Variants in ZBTB41 observed in about 807,000 individuals in gnomAD.
The protein encoded by ZBTB41 is zinc finger and BTB domain containing 41.
Under a neutral mutation model 87.6 loss-of-function variants are expected in ZBTB41, and 42 were observed. The ratio of observed to expected loss-of-function variants is 0.48; its 90% CI spans 0.37 to 0.62. The LOEUF (loss-of-function observed/expected upper bound fraction) is 0.62, where lower values mean the gene tolerates loss of function less well. Among genes scored for constraint, ZBTB41 ranks in the 20% least tolerant of loss-of-function variants. The pLI, the probability that ZBTB41 is intolerant of heterozygous loss-of-function variation, is 0.00. For synonymous variants in ZBTB41, 364 were observed against 364.0 expected, an observed-to-expected ratio of 1.00 and a Z score of 0.00; for missense variants, 799 against 1,078.9, an observed-to-expected ratio of 0.74 and a Z score of 3.63.
rs1308728762 is a variant in ZBTB41 at position 197,199,734 on chromosome 1, C to T, written c.740G>A (p.Ser247Asn). ...KKHGLKMLER[S>N]FSARRSKRNR... ...CCTTTTTGATCTTCTTGCGGAGAAA[C>T]TTCTCTCCAGCATTTTTAACCCATG... Residue 247 changes from serine to asparagine, a missense_variant, in exon 2 of 11, where the codon AGT becomes AAT. Transcript: ENST00000367405. The T allele has an allele frequency of 1.9e-6, 3 of 1,613,474 alleles. No homozygotes were observed. The South Asian group carries it at 3.3e-5, about 18-fold the overall frequency.
chr1:197,172,431 T>C (rs1298281244), intron 9 of ZBTB41, among the ~76,000 whole-genome samples, 183 bp from the exon 10 acceptor site: 3 of 151,952 alleles, frequency 2.0e-5, no homozygotes, highest in Non-Finnish European at 2.9e-5. Flanking sequence ...GAAATACTTT[T>C]AATATGTTGA....
chr1:197,171,180 T>C (rs767786287), intron 10 of ZBTB41, among the ~76,000 whole-genome samples: 6 of 152,114 alleles, frequency 3.9e-5, no homozygotes, highest in Non-Finnish European at 8.8e-5. Flanking sequence ...TGAGTTCTAT[T>C]AGGTTAATTA....
At chr1:197,160,727 A>G (rs752689008) in intron 10 of ZBTB41, among the ~76,000 whole-genome samples, 1 of 152,080 alleles carries the variant, frequency 6.6e-6, no homozygotes, top group South Asian at 2.1e-4. Flanking sequence ...AGATGTACAC[A>G]CTCTAGTCCC....
At chr1:197,194,932 A>T (rs903658972) in intron 2 of ZBTB41, among the ~76,000 whole-genome samples, 1 of 152,122 alleles carries the variant, frequency 6.6e-6, no homozygotes, top group African/African-American at 2.4e-5. Flanking sequence ...TAGTGGGAAA[A>T]TATATGTTAA....
At chr1:197,185,565 G>A (rs938686773) in intron 5 of ZBTB41, among the ~76,000 whole-genome samples, 2 of 150,838 alleles carry the variant, frequency 1.3e-5, no homozygotes, top group African/African-American at 4.9e-5. Flanking sequence ...TAAATGCACA[G>A]TTTATGCCCA....
At chr1:197,178,147 G>A (rs1178576063) in intron 7 of ZBTB41, among the ~76,000 whole-genome samples, 1 of 151,728 alleles carries the variant, frequency 6.6e-6, no homozygotes, top group Non-Finnish European at 1.5e-5. Flanking sequence ...TTCATTCAGA[G>A]AAAAGTAATG....
chr1:197,188,933 A>G (rs575645651), intron 4 of ZBTB41, among the ~76,000 whole-genome samples: 2 of 152,358 alleles, frequency 1.3e-5, no homozygotes, highest in African/African-American at 4.8e-5. Context: ...CAATAATGAC[A>G]TAGCACATAT....
At chr1:197,164,479 ATAAT>A (rs1659268672) in intron 10 of ZBTB41, among the ~76,000 whole-genome samples, 1 of 151,740 alleles carries the variant, frequency 6.6e-6, no homozygotes, top group Non-Finnish European at 1.5e-5. Context: ...ATCAAAATAG[ATAAT>A]TAAACAATAC....
At chr1:197,187,354 A>G (rs759751341) in intron 5 of ZBTB41, among the ~76,000 whole-genome samples, 5 of 152,202 alleles carry the variant, frequency 3.3e-5, no homozygotes, top group Non-Finnish European at 7.3e-5. Context: ...ACAATGGAAT[A>G]AAGTCCTCCC....
chr1:197,164,892 TAC>T (rs1491320327), intron 10 of ZBTB41, among the ~76,000 whole-genome samples: 210 of 79,682 alleles, frequency 2.6e-3, no homozygotes, highest in South Asian at 4.8e-3. Context: ...TTATATATAA[TAC>T]ATATCTAATA....
Position 197,177,635 on chromosome 1 carries a change from T to G in ZBTB41, c.1772+782A>C, listed in dbSNP as rs77969076. 6.2e-3 allele frequency among the ~76,000 whole-genome samples: 939 copies of G among 152,198 alleles called. 16 individuals carry two copies. Among genetic ancestry groups the G allele is most frequent in the African/African-American group, 0.022 (900 of 41,538 alleles). On this transcript the variant is annotated intron_variant, in intron 7 of 10. Coordinates refer to ENST00000367405, the MANE Select transcript of ZBTB41 (RefSeq NM_194314.3). ...GAACAAAATGGGGCTCATTTTATAG[T>G]CACCCAAAGACAGTATAAAAGGCTC... is the stretch of plus-strand genomic sequence containing the variant.
chr1:197,197,593 G>C (rs955609112), intron 2 of ZBTB41, among the ~76,000 whole-genome samples: 3 of 150,582 alleles, frequency 2.0e-5, no homozygotes, highest in Admixed American at 6.6e-5. Flanking sequence ...GCGAGGGAGG[G>C]AGGAAGGAAG....
At chr1:197,189,964 G>C (rs1051131076) in intron 4 of ZBTB41, among the ~76,000 whole-genome samples, 5 of 152,174 alleles carry the variant, frequency 3.3e-5, no homozygotes, top group Admixed American at 2.0e-4. Flanking sequence ...TGTCGCCCAG[G>C]CTGGAGTGCA....
At chr1:197,172,426 A>G (rs1659504230) in intron 9 of ZBTB41, among the ~76,000 whole-genome samples, 178 bp from the exon 10 acceptor site, 1 of 151,952 alleles carries the variant, frequency 6.6e-6, no homozygotes, top group Non-Finnish European at 1.5e-5. Context: ...ACATGGAAAT[A>G]CTTTTAATAT....
chr1:197,173,698 C>T (rs1290516840), intron 9 of ZBTB41, among the ~76,000 whole-genome samples: 2 of 152,104 alleles, frequency 1.3e-5, no homozygotes, highest in African/African-American at 2.4e-5. Flanking sequence ...GAATAATAAC[C>T]CTGGCAAAAG....
chr1:197,197,165 G>A (rs202077197), intron 2 of ZBTB41, among the ~76,000 whole-genome samples: 1 of 151,942 alleles, frequency 6.6e-6, no homozygotes, highest in African/African-American at 2.4e-5. Flanking sequence ...CCCATGAGAA[G>A]GTACTATTAG....
Position 197,159,605 on chromosome 1 carries a change from A to AGTAT in ZBTB41, c.2480_2483dup (p.Thr829TyrfsTer10). 6.2e-7 allele frequency: 1 copy of AGTAT among 1,614,018 alleles called. No homozygotes were observed. Among genetic ancestry groups the AGTAT allele is most frequent in the Non-Finnish European group, 8.5e-7 (1 of 1,179,914 alleles). ...CATGAGAAGATGGTGGGAGTGTGGT[A>AGTAT]GTATGACGCACTAGGTCACTCGGAG... On this transcript the variant is annotated frameshift_variant, in exon 11 of 11. Coordinates refer to ENST00000367405, the MANE Select transcript of ZBTB41 (RefSeq NM_194314.3). LOFTEE classifies it high-confidence loss of function.
At chr1:197,185,560 GCA>G (rs1485228055) in intron 5 of ZBTB41, among the ~76,000 whole-genome samples, 1 of 150,910 alleles carries the variant, frequency 6.6e-6, no homozygotes, top group African/African-American at 2.4e-5. Context: ...ATGAATAAAT[GCA>G]CAGTTTATGC....
chr1:197,161,447 T>TTTTTTAAATATTA (rs1659196827), intron 10 of ZBTB41, among the ~76,000 whole-genome samples: 1 of 150,314 alleles, frequency 6.7e-6, no homozygotes, highest in African/African-American at 2.5e-5. Flanking sequence ...CAAACTATTA[T>TTTTTTAAATATTA]TTGTTAAATA....
Sources: allele counts gnomAD v4.1 joint callset (sites outside exome capture counted in the v4.1 genomes callset), GRCh38; gene constraint gnomAD v4.1.1; transcripts MANE v1.5; gene names NCBI Gene and HGNC (gene_info 2026-07-23, HGNC 2026-07-21).